ANK2: variants seen among roughly 807,000 people sequenced by gnomAD.
ANK2 encodes the protein ankyrin-2.
A neutral mutation model predicts 360.5 loss-of-function variants in ANK2; 83 were observed. The observed-to-expected ratio is 0.23, with a 90% CI of 0.19 to 0.28. The LOEUF (loss-of-function observed/expected upper bound fraction) is 0.28. ANK2 is among the 10% of genes least tolerant of loss of function. The pLI is 1.00. For missense variants in ANK2, 4,201 were observed against 4,795.7 expected, an observed-to-expected ratio of 0.88 and a Z score of 3.66; for synonymous variants, 1,740 against 1,759.5, an observed-to-expected ratio of 0.99 and a Z score of 0.28.
chr4:112,788,095 A>G, the ANK2 span: 342 of 1,552,928 alleles, frequency 2.2e-4, no homozygotes, highest in Non-Finnish European at 2.9e-4. Context: ...AACCCAGTTT[A>G]GTGGCAAGTT....
chr4:112,746,490 C>T, the ANK2 span, among the ~76,000 whole-genome samples: 1 of 133,912 alleles, frequency 7.5e-6, no homozygotes, highest in Non-Finnish European at 1.5e-5. Flanking sequence ...CTTGGGCAAC[C>T]GAGTGAGATG....
chr4:112,736,282 G>A, the ANK2 span, among the ~76,000 whole-genome samples: 1 of 152,032 alleles, frequency 6.6e-6, no homozygotes, highest in Non-Finnish European at 1.5e-5. Context: ...GGGCAACACG[G>A]TGAAACCCCA....
intron 1 of ANK2, among the ~76,000 whole-genome samples, chr4:113,127,477 T>C (rs993197790): frequency 1.3e-5 from 2 of 148,636 alleles, no homozygotes; most frequent in Non-Finnish European, 3.0e-5. Context: ...TTTTTTTTTT[T>C]AATACATAGT....
At chr4:112,813,540 T>TTTA (rs2149479861), upstream of ANK2, among the ~76,000 whole-genome samples, 1 of 142,258 alleles carries the variant, frequency 7.0e-6, no homozygotes, top group African/African-American at 2.8e-5. Flanking sequence ...TATTTATTTA[T>TTTA]TTATTTATTT....
At position 113,381,789 on chromosome 4, in the gene ANK2, C is replaced by G; in HGVS notation, c.*318C>G. Reference sequence around the variant, plus strand: ...ATATACGGCATTTTGCTTTAGTTTTCCCCCATCCTCTTTAACTATAAAGCT... The same window carrying G: ...ATATACGGCATTTTGCTTTAGTTTTGCCCCATCCTCTTTAACTATAAAGCT... On this transcript the variant is annotated 3_prime_UTR_variant, in exon 46 of 46. Coordinates refer to ENST00000357077, the MANE Select transcript of ANK2 (RefSeq NM_001148.6). The G allele has an allele frequency of 1.3e-6, 1 of 766,444 alleles. No homozygotes were observed. The highest frequency in any genetic ancestry group is 2.0e-6 in the Non-Finnish European group (1 of 500,902). 47.5% of individuals were successfully genotyped at this position (766,444 alleles called of 1,614,324 possible). A position where few individuals can be genotyped will look rare whatever the true frequency, so the allele number is the denominator to read the frequency against.
At chr4:113,208,713 G>A (rs750265759) in intron 4 of ANK2, among the ~76,000 whole-genome samples, 1 of 151,772 alleles carries the variant, frequency 6.6e-6, no homozygotes, top group African/African-American at 2.4e-5. Flanking sequence ...ATCTCGCCCA[G>A]ACTGGCCTTG....
At chr4:112,816,211 T>G (rs959482013), upstream of ANK2, among the ~76,000 whole-genome samples, 2 of 152,206 alleles carry the variant, frequency 1.3e-5, no homozygotes, top group Non-Finnish European at 2.9e-5. Flanking sequence ...GGAAATTTCT[T>G]GATGTGAAAA....
chr4:112,712,533 A>C, the ANK2 span, among the ~76,000 whole-genome samples: 1 of 147,378 alleles, frequency 6.8e-6, no homozygotes. Flanking sequence ...TCAGCCTCCC[A>C]AGTGGCTAGG....
At chr4:112,834,823 T>C (rs1360361570) in intron 1 of ANK2, among the ~76,000 whole-genome samples, 3 of 152,208 alleles carry the variant, frequency 2.0e-5, no homozygotes, top group Admixed American at 6.5e-5. Flanking sequence ...TTTTAAAAAA[T>C]CAGATCTTTA....
the ANK2 span, chr4:112,788,141 G>C: frequency 6.3e-7 from 1 of 1,583,026 alleles, no homozygotes. Context: ...GGCAATGCGA[G>C]CCACAGACTT....
intron 1 of ANK2, among the ~76,000 whole-genome samples, chr4:113,068,615 A>G (rs1392757717): frequency 1.3e-5 from 2 of 152,236 alleles, no homozygotes; most frequent in East Asian, 1.9e-4. Flanking sequence ...ATGATTAGAA[A>G]TGACTCACAT....
the ANK2 span, among the ~76,000 whole-genome samples, chr4:112,741,979 C>G: frequency 6.6e-6 from 1 of 152,108 alleles, no homozygotes; most frequent in Non-Finnish European, 1.5e-5. Context: ...GAACAGGTTA[C>G]TGTTTAGAGA....
chr4:113,149,652 A>C (rs2096962848), intron 1 of ANK2, among the ~76,000 whole-genome samples: 1 of 151,982 alleles, frequency 6.6e-6, no homozygotes, highest in Non-Finnish European at 1.5e-5. Context: ...AGGCAGGCAG[A>C]TCACTGGAGC....
At chr4:113,079,945 C>T (rs2081678519) in intron 1 of ANK2, among the ~76,000 whole-genome samples, 1 of 146,356 alleles carries the variant, frequency 6.8e-6, no homozygotes, top group Admixed American at 6.9e-5. Context: ...GTTGCCCAGG[C>T]TGGAGTGTGG....
intron 1 of ANK2, among the ~76,000 whole-genome samples, chr4:113,108,444 A>C (rs2154363910): frequency 6.6e-6 from 1 of 152,304 alleles, no homozygotes; most frequent in East Asian, 1.9e-4. Context: ...TAATTGCAAT[A>C]GCAACTACAA....
chr4:112,900,249 T>TA (rs1408624701), intron 1 of ANK2, among the ~76,000 whole-genome samples: 1 of 152,150 alleles, frequency 6.6e-6, no homozygotes, highest in Non-Finnish European at 1.5e-5. Flanking sequence ...GTAAGACATT[T>TA]AAAAAAACCA....
intron 2 of ANK2, among the ~76,000 whole-genome samples, chr4:112,928,303 T>A (rs928623047): frequency 6.6e-6 from 1 of 151,944 alleles, no homozygotes; most frequent in African/African-American, 2.4e-5. Flanking sequence ...AAGTCTTAAA[T>A]AGAAAAATAG....
rs370188942 is a variant in ANK2 at position 113,003,595 on chromosome 4, T to C, written c.21+99081T>C. On this transcript the variant is annotated intron_variant, in intron 2 of 30. Transcript: ENST00000503271. Reference sequence around the variant, plus strand: ...GAAATAAACTGGATACATATGAAGATTGACTATATGATCAAGGTGACATCC... The same window carrying C: ...GAAATAAACTGGATACATATGAAGACTGACTATATGATCAAGGTGACATCC... Among the ~76,000 whole-genome samples, 20 of 152,308 alleles carry C rather than the reference T, an allele frequency of 1.3e-4. 1 individual carries two copies. In the East Asian group the frequency reaches 2.1e-3, roughly 16 times the overall value.
intron 42 of ANK2, among the ~76,000 whole-genome samples, chr4:113,368,119 C>G (rs1328117228): frequency 1.1e-4 from 16 of 152,158 alleles, no homozygotes; most frequent in Admixed American, 1.0e-3. Context: ...ATTTCCACAT[C>G]TGTAAATTAT....
Sources: gnomAD v4.1 joint callset for allele counts (sites outside exome capture counted in the v4.1 genomes callset) on GRCh38, gnomAD v4.1.1 for gene constraint, MANE v1.5 for transcripts, NCBI Gene and HGNC (gene_info 2026-07-23, HGNC 2026-07-21) for gene names.